EEIG2: variants seen among roughly 807,000 people sequenced by gnomAD.
The protein encoded by EEIG2 is family with sequence similarity 102 member B.
the EEIG2 span, among the ~76,000 whole-genome samples, chr1:108,588,404 G>C: frequency 2.8e-4 from 42 of 152,218 alleles, no homozygotes; most frequent in South Asian, 8.5e-3. Context: ...CATTGTAATT[G>C]ATAGGAGTGT....
the EEIG2 span, among the ~76,000 whole-genome samples, chr1:108,613,053 A>T: frequency 6.6e-6 from 1 of 152,234 alleles, no homozygotes; most frequent in South Asian, 2.1e-4. Flanking sequence ...TAAAATGGTT[A>T]TTATGGCCAG....
At chr1:108,600,773 T>C in the EEIG2 span, 1 of 1,415,528 alleles carries the variant, frequency 7.1e-7, no homozygotes, top group African/African-American at 1.4e-5. Context: ...CTCTGCTTTA[T>C]CTGTTTCATT....
the EEIG2 span, chr1:108,631,198 C>T: frequency 2.9e-6 from 1 of 347,282 alleles, no homozygotes; most frequent in South Asian, 2.2e-5. Flanking sequence ...GTAGAAAAGA[C>T]CCAGCTCTTA....
chr1:108,615,665 C>G, the EEIG2 span, among the ~76,000 whole-genome samples: 6 of 151,634 alleles, frequency 4.0e-5, no homozygotes, highest in Non-Finnish European at 7.4e-5. Flanking sequence ...ACCTATAGTC[C>G]CAGCTACTCA....
the EEIG2 span, among the ~76,000 whole-genome samples, chr1:108,581,012 T>C: frequency 2.0e-5 from 3 of 152,186 alleles, no homozygotes; most frequent in Non-Finnish European, 4.4e-5. Context: ...GCTCACTCTC[T>C]TGCTAGGAGC....
At chr1:108,612,798 T>C in the EEIG2 span, among the ~76,000 whole-genome samples, 6 of 152,354 alleles carry the variant, frequency 3.9e-5, no homozygotes, top group South Asian at 1.0e-3. Flanking sequence ...TTAATTGTAG[T>C]ATTAAATGAG....
the EEIG2 span, among the ~76,000 whole-genome samples, chr1:108,587,799 GT>G: frequency 6.6e-6 from 1 of 151,998 alleles, no homozygotes; most frequent in Non-Finnish European, 1.5e-5. Flanking sequence ...ATCTAGGAAT[GT>G]TTTTTTCTCC....
At chr1:108,635,225 G>A in the EEIG2 span, 2 of 1,569,862 alleles carry the variant, frequency 1.3e-6, no homozygotes, top group Admixed American at 1.7e-5. Context: ...TTTTATTCAA[G>A]CACTTAATAG....
chr1:108,595,303 AAGGGAGGG>A, the EEIG2 span, among the ~76,000 whole-genome samples: 1 of 142,424 alleles, frequency 7.0e-6, no homozygotes, highest in Non-Finnish European at 1.5e-5. Context: ...GAGAAGGAAG[AAGGGAGGG>A]AGGGAGGGAA....
the EEIG2 span, chr1:108,629,751 C>A: frequency 1.1e-6 from 1 of 892,148 alleles, no homozygotes; most frequent in Non-Finnish European, 1.8e-6. Context: ...TTGTACTAGG[C>A]TGAAGCAAGG....
At chr1:108,586,306 C>T in the EEIG2 span, among the ~76,000 whole-genome samples, 8 of 133,690 alleles carry the variant, frequency 6.0e-5, no homozygotes, top group East Asian at 2.2e-4. Flanking sequence ...TGGTGGTTTA[C>T]GCAGAGGGGT....
the EEIG2 span, chr1:108,628,786 C>G: frequency 8.1e-5 from 130 of 1,612,090 alleles, no homozygotes; most frequent in Non-Finnish European, 1.0e-4. Flanking sequence ...AGACTTCAGC[C>G]TAGATTCCAG....
At chr1:108,614,409 C>T in the EEIG2 span, among the ~76,000 whole-genome samples, 19 of 152,124 alleles carry the variant, frequency 1.2e-4, no homozygotes, top group African/African-American at 4.3e-4. Flanking sequence ...ACTCTACTTC[C>T]TTCATATGCT....
chr1:108,590,377 AT>A, the EEIG2 span, among the ~76,000 whole-genome samples: 3 of 152,216 alleles, frequency 2.0e-5, no homozygotes, highest in African/African-American at 7.2e-5. Context: ...ATTGAAAAAA[AT>A]CTTTCCTTAT....
chr1:108,599,375 A>G, the EEIG2 span, among the ~76,000 whole-genome samples: 73 of 152,162 alleles, frequency 4.8e-4, no homozygotes, highest in African/African-American at 1.7e-3. Flanking sequence ...AAACTGTTCA[A>G]CCTGGGCTCT....
the EEIG2 span, among the ~76,000 whole-genome samples, chr1:108,589,976 T>C: frequency 1.3e-5 from 2 of 151,834 alleles, no homozygotes; most frequent in Admixed American, 6.6e-5. Context: ...ATTTGTATTT[T>C]CAGCCCTGAC....
chr1:108,618,311 A>G, the EEIG2 span, among the ~76,000 whole-genome samples: 2 of 152,190 alleles, frequency 1.3e-5, no homozygotes, highest in Non-Finnish European at 2.9e-5. Flanking sequence ...GTTGCTTCTG[A>G]TTTCTTAGTG....
the EEIG2 span, among the ~76,000 whole-genome samples, chr1:108,613,711 T>C: frequency 7.2e-5 from 11 of 152,140 alleles, no homozygotes; most frequent in African/African-American, 2.4e-4. Flanking sequence ...CTCCTATCCA[T>C]TGATGACTTA....
the EEIG2 span, among the ~76,000 whole-genome samples, chr1:108,613,660 C>T: frequency 6.6e-6 from 1 of 152,100 alleles, no homozygotes; most frequent in Non-Finnish European, 1.5e-5. Flanking sequence ...TCTCTCCTTT[C>T]CCAATCTCTG....
Sources: gnomAD v4.1 joint callset for allele counts (sites outside exome capture counted in the v4.1 genomes callset) on GRCh38, gnomAD v4.1.1 for gene constraint, MANE v1.5 for transcripts, NCBI Gene and HGNC (gene_info 2026-07-23, HGNC 2026-07-21) for gene names.